UST: variants seen among roughly 807,000 people sequenced by gnomAD.
The protein encoded by UST is chondroitin sulfate 2-O-sulfotransferase.
UST carries 21 observed loss-of-function variants against 45.6 expected under a neutral mutation model. The observed-to-expected ratio is 0.46, with a 90% CI of 0.33 to 0.66. The LOEUF (loss-of-function observed/expected upper bound fraction) is 0.66, where lower values mean the gene tolerates loss of function less well. UST is among the 30% of genes least tolerant of loss of function. The probability of loss-of-function intolerance (pLI) is 0.02; values close to 1 mark genes in which losing one functional copy is unlikely to be tolerated. For synonymous variants in UST, 215 were observed against 200.6 expected (o/e 1.07, Z -0.61); for missense variants, 463 against 512.4 (o/e 0.90, Z 0.93).
chr6:149,076,669 G>C lies in UST; in HGVS notation c.*2553G>C, dbSNP rs1404371693. 2 of 152,504 alleles carry C rather than the reference G, an allele frequency of 1.3e-5. No individual in the cohort carries two copies. Among genetic ancestry groups the C allele is most frequent in the African/African-American group, 4.8e-5 (2 of 41,388 alleles). The allele number at this position is 152,504 out of a possible 1,614,324, so 9.4% of individuals were successfully genotyped here. On this transcript the variant is annotated 3_prime_UTR_variant, in exon 8 of 8. Coordinates refer to ENST00000367463, the MANE Select transcript of UST (RefSeq NM_005715.3). The stretch of plus-strand genomic sequence containing the variant: ...TGAAACATATTGTACATTTTACATA[G>C]TTTAATTTAAAAAATACCTTTTAAG...
At chr6:148,858,760 T>C (rs995647310) in intron 1 of UST, among the ~76,000 whole-genome samples, 5 of 152,198 alleles carry the variant, frequency 3.3e-5, no homozygotes, top group Admixed American at 2.0e-4. Flanking sequence ...TGGTTTTCTG[T>C]CCTTGCAACA....
chr6:148,808,816 A>G (rs1243077697), intron 1 of UST, among the ~76,000 whole-genome samples: 1 of 152,196 alleles, frequency 6.6e-6, no homozygotes, highest in Non-Finnish European at 1.5e-5. Flanking sequence ...TGCCTTTATT[A>G]GAAGAAGAAC....
rs147485003 is a variant in UST, at chr6:148,923,050, G to A, written c.292-18229G>A. Among the ~76,000 whole-genome samples the A allele has an allele frequency of 8.2e-3, 1,247 of 152,140 alleles. 7 individuals carry two copies. Among genetic ancestry groups the A allele is most frequent in the Non-Finnish European group, 0.013 (907 of 67,996 alleles). ...TGGCCTCAAGTGATCCACCCATCTCGGCCTCCCAAAGTGCTGAGATTACAG... is the reference window on the plus strand; with the variant it reads ...TGGCCTCAAGTGATCCACCCATCTCAGCCTCCCAAAGTGCTGAGATTACAG... On this transcript the variant is annotated intron_variant, in intron 2 of 7. Coordinates refer to ENST00000367463, the MANE Select transcript of UST (RefSeq NM_005715.3).
chr6:148,873,525 A>T (rs922448801), intron 1 of UST, among the ~76,000 whole-genome samples: 2 of 151,990 alleles, frequency 1.3e-5, no homozygotes, highest in East Asian at 3.9e-4. Context: ...TGCTTAGGCC[A>T]CCCCTGATCT....
At chr6:149,020,917 G>A (rs1055341671) in intron 6 of UST, among the ~76,000 whole-genome samples, 4 of 152,132 alleles carry the variant, frequency 2.6e-5, no homozygotes, top group Admixed American at 6.5e-5. Context: ...ATACTATGTC[G>A]GTAAGTTTCA....
chr6:149,072,419 C>T (rs180710671), intron 7 of UST, among the ~76,000 whole-genome samples: 334 of 152,002 alleles, frequency 2.2e-3, no homozygotes, highest in Non-Finnish European at 2.8e-3. Context: ...TTTGGGAGGC[C>T]GAGGCAGGTG....
chr6:148,758,358 C>T (rs767724788), intron 1 of UST, among the ~76,000 whole-genome samples: 3 of 152,168 alleles, frequency 2.0e-5, no homozygotes, highest in Non-Finnish European at 4.4e-5. Flanking sequence ...TTTTGCACAG[C>T]CTGATTTCCT....
chr6:148,847,792 C>G (rs987029899), intron 1 of UST, among the ~76,000 whole-genome samples: 1 of 152,186 alleles, frequency 6.6e-6, no homozygotes, highest in African/African-American at 2.4e-5. Flanking sequence ...CACAGAGAGC[C>G]TGTTCTGGGT....
At chr6:148,868,268 T>TATATTTGGATATAA (rs1778483484) in intron 1 of UST, among the ~76,000 whole-genome samples, 2 of 152,244 alleles carry the variant, frequency 1.3e-5, no homozygotes, top group African/African-American at 4.8e-5. Flanking sequence ...AGTAAGTTGA[T>TATATTTGGATATAA]GTTAAGTAGG....
At chr6:149,056,396 C>G (rs984180490) in intron 7 of UST, among the ~76,000 whole-genome samples, 6 of 152,240 alleles carry the variant, frequency 3.9e-5, no homozygotes, top group African/African-American at 1.4e-4. Context: ...CCTAAGCCAC[C>G]GCACCCGGCC....
intron 5 of UST, among the ~76,000 whole-genome samples, chr6:149,018,584 C>A (rs567098530): frequency 1.3e-5 from 2 of 152,300 alleles, no homozygotes; most frequent in African/African-American, 4.8e-5. Flanking sequence ...GACGTCACAA[C>A]TGTTGCCTTT....
chr6:148,938,517 C>T (rs965674258), intron 2 of UST, among the ~76,000 whole-genome samples: 2 of 152,080 alleles, frequency 1.3e-5, no homozygotes, highest in Non-Finnish European at 2.9e-5. Flanking sequence ...ATTGCAAAGG[C>T]AAAAATTCAA....
chr6:148,781,200 AC>A (rs1332332093), intron 1 of UST, among the ~76,000 whole-genome samples: 2 of 152,204 alleles, frequency 1.3e-5, no homozygotes, highest in African/African-American at 4.8e-5. Flanking sequence ...GTCTCTAGCG[AC>A]AGTTAACCAA....
At chr6:148,861,277 A>G (rs893689597) in intron 1 of UST, among the ~76,000 whole-genome samples, 1 of 152,052 alleles carries the variant, frequency 6.6e-6, no homozygotes, top group African/African-American at 2.4e-5. Context: ...TTTCTAGTTT[A>G]TTTGCGTAGA....
intron 1 of UST, among the ~76,000 whole-genome samples, chr6:148,826,197 C>A (rs1426604986): frequency 2.0e-5 from 3 of 152,236 alleles, no homozygotes; most frequent in African/African-American, 2.4e-5. Flanking sequence ...ACTGCAGCCT[C>A]CGCCTCCCAG....
At chr6:149,030,625 A>G (rs750963887) in intron 7 of UST, among the ~76,000 whole-genome samples, 2 of 152,078 alleles carry the variant, frequency 1.3e-5, no homozygotes, top group Admixed American at 6.5e-5. Context: ...TCAATTTGCT[A>G]TTGGTTCATT....
At chr6:148,962,616 C>G (rs1050440915) in intron 4 of UST, among the ~76,000 whole-genome samples, 5 of 152,168 alleles carry the variant, frequency 3.3e-5, no homozygotes, top group Non-Finnish European at 5.9e-5. Context: ...ACTCCTGGGA[C>G]TCCAGTTAGT....
At chr6:148,992,625 G>C (rs1781377515) in intron 5 of UST, among the ~76,000 whole-genome samples, 1 of 152,072 alleles carries the variant, frequency 6.6e-6, no homozygotes, top group African/African-American at 2.4e-5. Flanking sequence ...ACTTGGTTGT[G>C]GTTGTAGTTT....
intron 5 of UST, among the ~76,000 whole-genome samples, chr6:149,013,836 T>TA (rs1775856292): frequency 6.6e-6 from 1 of 152,254 alleles, no homozygotes; most frequent in Non-Finnish European, 1.5e-5. Context: ...TGGAGCTGTG[T>TA]AAAAACACCA....
Sources: allele counts gnomAD v4.1 joint callset (sites outside exome capture counted in the v4.1 genomes callset), GRCh38; gene constraint gnomAD v4.1.1; transcripts MANE v1.5; gene names NCBI Gene and HGNC (gene_info 2026-07-23, HGNC 2026-07-21).